The following PALLD variants were observed in gnomAD, a reference collection of about 807,000 sequenced individuals.
PALLD encodes palladin.
A neutral mutation model predicts 123.5 loss-of-function variants in PALLD; 61 were observed. The ratio of observed to expected loss-of-function variants is 0.49; its 90% CI spans 0.40 to 0.61. The LOEUF (loss-of-function observed/expected upper bound fraction) is 0.61. PALLD is among the 20% of genes least tolerant of loss of function. The probability of loss-of-function intolerance (pLI) is 0.00; values close to 1 mark genes in which losing one functional copy is unlikely to be tolerated. For synonymous variants in PALLD, 465 were observed against 496.4 expected (o/e 0.94, Z 0.84); for missense variants, 1,273 against 1,377.0 (o/e 0.92, Z 1.20).
rs1327214260 is a variant in PALLD, at chr4:168,690,583, T to C, written c.1336-20T>C. ...CACCAAAGTCTGATGGGGTTTTCCT[T>C]GAATTTCCTTGAATTTCAGGAACTG... On this transcript the variant is annotated intron_variant, in intron 6 of 21. Coordinates refer to ENST00000505667, the MANE Select transcript of PALLD (RefSeq NM_001166108.2). 6.2e-7 allele frequency: 1 copy of C among 1,614,112 alleles called. No homozygotes were observed. Among genetic ancestry groups the C allele is most frequent in the South Asian group, 1.1e-5 (1 of 91,084 alleles).
chr4:168,507,926 A>G (rs10518000), intron 1 of PALLD, among the ~76,000 whole-genome samples: 59,243 of 151,796 alleles, frequency 0.39, 12,405 homozygotes, highest in East Asian at 0.59. Context: ...CCAAGTCTTA[A>G]AATACATATT....
intron 10 of PALLD, among the ~76,000 whole-genome samples, chr4:168,842,800 T>A (rs1017664322): frequency 2.0e-4 from 30 of 152,344 alleles, no homozygotes; most frequent in Admixed American, 4.6e-4. Context: ...TAAAAACATT[T>A]AAGTAGATGA....
At chr4:168,818,794 G>A (rs973170208) in intron 10 of PALLD, among the ~76,000 whole-genome samples, 1 of 152,132 alleles carries the variant, frequency 6.6e-6, no homozygotes, top group South Asian at 2.1e-4. Flanking sequence ...ATATTATGCA[G>A]CAATTAAAAC....
At position 168,790,530 on chromosome 4, in the gene PALLD, T is replaced by C. The variant is rs1038583704; in HGVS notation, c.1964+78607T>C. The stretch of plus-strand genomic sequence containing the variant: ...TTGTCATCTAACATGAGGTACAGAT[T>C]GAAATTTATTTTTCCCTGCAGTTCA... On this transcript the variant is annotated intron_variant, in intron 10 of 21. Transcript: ENST00000505667. Among the ~76,000 whole-genome samples the C allele has an allele frequency of 3.3e-5, 5 of 152,098 alleles. No homozygotes were observed. In the East Asian group the frequency reaches 9.6e-4, roughly 29 times the overall value.
rs1269881810 is a variant in PALLD, at chr4:168,767,364, C to T, written c.1964+55441C>T. On this transcript the variant is annotated intron_variant, in intron 10 of 21. Transcript: ENST00000505667. ...ACACATAGAATGATTTCCCCCTTTT[C>T]ACTATACAATTAATATATATGCATA... is the stretch of plus-strand genomic sequence containing the variant. Among the ~76,000 whole-genome samples the T allele has an allele frequency of 2.6e-5, 4 of 152,288 alleles. No individual in the cohort carries two copies. The South Asian group carries it at 8.3e-4, about 32-fold the overall frequency.
chr4:168,581,373 T>C (rs1489715286), intron 2 of PALLD, among the ~76,000 whole-genome samples: 1 of 152,048 alleles, frequency 6.6e-6, no homozygotes, highest in Non-Finnish European at 1.5e-5. Context: ...CCACCAACAG[T>C]GTACAAGGGT....
intron 2 of PALLD, among the ~76,000 whole-genome samples, chr4:168,647,308 C>T (rs1561345198): frequency 6.6e-6 from 1 of 152,142 alleles, no homozygotes; most frequent in Non-Finnish European, 1.5e-5. Context: ...ATAAAGACAA[C>T]ACTGCAAAAT....
At chr4:168,919,569 C>G (rs1035885260) in intron 17 of PALLD, among the ~76,000 whole-genome samples, 2 of 148,724 alleles carry the variant, frequency 1.3e-5, no homozygotes, top group African/African-American at 5.0e-5. Flanking sequence ...ACAGATAGAT[C>G]AGGAAAAAAA....
At chr4:168,915,118 G>A (rs927599943) in intron 16 of PALLD, among the ~76,000 whole-genome samples, 5 of 152,168 alleles carry the variant, frequency 3.3e-5, no homozygotes, top group African/African-American at 1.2e-4. Flanking sequence ...TATACTTAGA[G>A]AAGGGTAAAC....
chr4:168,512,215 T>C lies in PALLD; in HGVS notation c.711T>C (p.Pro237=), dbSNP rs1180243363. The change falls in exon 2 of 22, where the codon CCT becomes CCC. Residue 237 remains proline (P), a synonymous_variant. Coordinates refer to ENST00000505667, the MANE Select transcript of PALLD (RefSeq NM_001166108.2). ...AGATGGAAAGAGAGGTCAAGTCCCC[T>C]GGGGCCAGGCATTGCTACCAGGACA... ...QGEMEREVKS[P]GARHCYQDNQ... The C allele has an allele frequency of 1.2e-6, 2 of 1,613,758 alleles. No individual in the cohort carries two copies. The highest frequency in any genetic ancestry group is 1.7e-6 in the Non-Finnish European group (2 of 1,179,760).
At chr4:168,794,767 A>G (rs1431313968) in intron 10 of PALLD, among the ~76,000 whole-genome samples, 1 of 152,154 alleles carries the variant, frequency 6.6e-6, no homozygotes, top group Non-Finnish European at 1.5e-5. Context: ...TTGCCATGTA[A>G]TATCTTTAAC....
At chr4:168,689,845 T>C (rs961775113) in intron 6 of PALLD, among the ~76,000 whole-genome samples, 1 of 152,144 alleles carries the variant, frequency 6.6e-6, no homozygotes, top group Non-Finnish European at 1.5e-5. Context: ...AGAGAAGATA[T>C]ATGTGAGGGA....
At chr4:168,742,462 A>G (rs1037312109) in intron 10 of PALLD, among the ~76,000 whole-genome samples, 1 of 152,190 alleles carries the variant, frequency 6.6e-6, no homozygotes, top group African/African-American at 2.4e-5. Flanking sequence ...GTTTGTTTAA[A>G]GTGTTATGAT....
chr4:168,569,862 G>C (rs887171185), intron 2 of PALLD, among the ~76,000 whole-genome samples: 1 of 151,996 alleles, frequency 6.6e-6, no homozygotes, highest in Non-Finnish European at 1.5e-5. Context: ...TTGTGAAGTG[G>C]GACTGATGGC....
chr4:168,680,039 C>T (rs935223894), intron 3 of PALLD, among the ~76,000 whole-genome samples: 1 of 152,016 alleles, frequency 6.6e-6, no homozygotes, highest in Admixed American at 6.5e-5. Context: ...GGAAGGAATA[C>T]CAGGCAGCTA....
intron 2 of PALLD, among the ~76,000 whole-genome samples, chr4:168,667,499 A>G (rs911043413): frequency 6.6e-6 from 1 of 152,144 alleles, no homozygotes; most frequent in Non-Finnish European, 1.5e-5. Context: ...AAGAGAGGAG[A>G]GAGAGTGAGA....
chr4:168,774,727 CAAAA>C (rs56364164), intron 10 of PALLD, among the ~76,000 whole-genome samples: 11 of 73,204 alleles, frequency 1.5e-4, no homozygotes, highest in Admixed American at 5.8e-4. Context: ...GACTGCATCT[CAAAA>C]AAAAAAAAAA....
intron 8 of PALLD, among the ~76,000 whole-genome samples, chr4:168,696,933 A>G (rs1783183305): frequency 6.6e-6 from 1 of 152,342 alleles, no homozygotes; most frequent in East Asian, 1.9e-4. Flanking sequence ...CCCCAAACTG[A>G]AAGTTATCAA....
chr4:168,610,957 G>A (rs1421837902), intron 2 of PALLD, among the ~76,000 whole-genome samples: 3 of 152,152 alleles, frequency 2.0e-5, no homozygotes, highest in South Asian at 2.1e-4. Context: ...ATCTTGTGCA[G>A]TCACAGGTAT....
Sources: gnomAD v4.1 joint callset for allele counts (sites outside exome capture counted in the v4.1 genomes callset) on GRCh38, gnomAD v4.1.1 for gene constraint, MANE v1.5 for transcripts, NCBI Gene and HGNC (gene_info 2026-07-23, HGNC 2026-07-21) for gene names.